The following SLIT3 variants were observed in gnomAD, a reference collection of about 807,000 sequenced individuals.
SLIT3 encodes slit homolog 3 protein.
A neutral mutation model predicts 184.0 loss-of-function variants in SLIT3; 68 were observed. The observed-to-expected ratio is 0.37, with a 90% CI of 0.30 to 0.45. The LOEUF (loss-of-function observed/expected upper bound fraction) is 0.45, where lower values mean the gene tolerates loss of function less well. Among genes scored for constraint, SLIT3 ranks in the 20% least tolerant of loss-of-function variants. The pLI is 1.00. For synonymous variants in SLIT3, 831 were observed against 828.6 expected (o/e 1.00, Z -0.05); for missense variants, 1,707 against 2,026.0 (o/e 0.84, Z 3.02).
At chr5:168,874,746 T>C (rs1201344386) in intron 5 of SLIT3, among the ~76,000 whole-genome samples, 4 of 152,230 alleles carry the variant, frequency 2.6e-5, no homozygotes, top group Non-Finnish European at 5.9e-5. Context: ...TATATGTCTT[T>C]ATCAGACTAA....
chr5:168,970,223 T>G (rs1210288209), intron 4 of SLIT3, among the ~76,000 whole-genome samples: 1 of 150,270 alleles, frequency 6.7e-6, no homozygotes, highest in Admixed American at 6.6e-5. Context: ...AGGCCAGGCG[T>G]GGTGGCTGAC....
chr5:169,082,539 C>T (rs1052970755), intron 4 of SLIT3, among the ~76,000 whole-genome samples: 2 of 152,146 alleles, frequency 1.3e-5, no homozygotes, highest in African/African-American at 4.8e-5. Flanking sequence ...TCTTCCCACC[C>T]CAATGCCTGG....
At chr5:169,179,499 G>A (rs1025429751) in intron 4 of SLIT3, among the ~76,000 whole-genome samples, 48 of 152,072 alleles carry the variant, frequency 3.2e-4, no homozygotes, top group Non-Finnish European at 5.9e-4. Context: ...CTTTGAAACT[G>A]CATCAAAAAC....
intron 16 of SLIT3, among the ~76,000 whole-genome samples, chr5:168,758,577 A>G (rs369931310): frequency 7.2e-5 from 11 of 152,340 alleles, no homozygotes; most frequent in African/African-American, 2.6e-4. Context: ...AGTGACAGCC[A>G]TGATCCTCAC....
At position 168,889,061 on chromosome 5, in the gene SLIT3, A is replaced by G. The variant is rs547733859; in HGVS notation, c.414-5725T>C. On this transcript the variant is annotated intron_variant, in intron 4 of 35. Coordinates refer to ENST00000519560, the MANE Select transcript of SLIT3 (RefSeq NM_003062.4). ...CCAACTTTCTAATATATAGTAACCCAGTGACACATCGCTCTGTGCTAGGAG... is the reference window on the plus strand; with the variant it reads ...CCAACTTTCTAATATATAGTAACCCGGTGACACATCGCTCTGTGCTAGGAG... Among the ~76,000 whole-genome samples, 163 of 152,310 alleles carry G rather than the reference A, an allele frequency of 1.1e-3. 3 individuals are homozygous for G. Among genetic ancestry groups the G allele is most frequent in the Middle Eastern group, 6.8e-3 (2 of 294 alleles).
At chr5:168,952,588 GAC>G (rs1385563489) in intron 4 of SLIT3, among the ~76,000 whole-genome samples, 34 of 101,298 alleles carry the variant, frequency 3.4e-4, no homozygotes, top group African/African-American at 1.7e-3. Context: ...AAAAAAAAAA[GAC>G]AGAGAGGGAG....
chr5:169,055,502 AG>A (rs1757964109), intron 4 of SLIT3, among the ~76,000 whole-genome samples: 1 of 152,196 alleles, frequency 6.6e-6, no homozygotes, highest in Non-Finnish European at 1.5e-5. Context: ...CAAAAAGGCC[AG>A]GAAGAGGTCA....
intron 33 of SLIT3, 84 bp from the exon 34 acceptor site, chr5:168,671,567 C>T (rs1314850849): frequency 1.4e-6 from 2 of 1,419,226 alleles, no homozygotes; most frequent in Non-Finnish European, 1.9e-6. Flanking sequence ...ACTTTTCACA[C>T]ATTCATGGCC....
intron 1 of SLIT3, among the ~76,000 whole-genome samples, chr5:169,256,743 TG>T (rs1765973879): frequency 6.6e-6 from 1 of 152,166 alleles, no homozygotes; most frequent in Admixed American, 6.5e-5. Flanking sequence ...GTGCCACCTC[TG>T]AGAACCTCAG....
At chr5:168,937,051 AG>A (rs1275860295) in intron 4 of SLIT3, among the ~76,000 whole-genome samples, 3 of 152,138 alleles carry the variant, frequency 2.0e-5, no homozygotes, top group Non-Finnish European at 4.4e-5. Context: ...GGCTTTCTGA[AG>A]GAAGTGACAC....
intron 4 of SLIT3, among the ~76,000 whole-genome samples, chr5:169,121,635 A>T (rs931096526): frequency 2.0e-5 from 3 of 151,758 alleles, no homozygotes; most frequent in African/African-American, 7.3e-5. Context: ...ATTAACATTT[A>T]AAAAATGCCA....
intron 20 of SLIT3, among the ~76,000 whole-genome samples, chr5:168,746,435 G>A (rs1419716566): frequency 4.9e-5 from 3 of 60,938 alleles, no homozygotes; most frequent in Non-Finnish European, 9.8e-5. Context: ...GTGGTGTGTG[G>A]TGGTGTGGGT....
intron 4 of SLIT3, among the ~76,000 whole-genome samples, chr5:168,911,591 C>T (rs1236877834): frequency 6.6e-6 from 1 of 152,132 alleles, no homozygotes; most frequent in Non-Finnish European, 1.5e-5. Flanking sequence ...GCATGAAATG[C>T]CATCATTTAG....
intron 5 of SLIT3, among the ~76,000 whole-genome samples, chr5:168,878,341 C>T (rs936432582): frequency 1.3e-5 from 2 of 152,178 alleles, no homozygotes; most frequent in African/African-American, 2.4e-5. Flanking sequence ...GAGGGGCAGG[C>T]GTCCAGTCCC....
chr5:169,189,682 G>A (rs746626309), intron 4 of SLIT3, among the ~76,000 whole-genome samples: 34 of 151,236 alleles, frequency 2.2e-4, no homozygotes, highest in Admixed American at 1.1e-3. Context: ...GCAGACTCTG[G>A]AGTCAGGTTT....
At chr5:169,021,734 A>G (rs1448462911) in intron 4 of SLIT3, among the ~76,000 whole-genome samples, 1 of 152,222 alleles carries the variant, frequency 6.6e-6, no homozygotes, top group Non-Finnish European at 1.5e-5. Flanking sequence ...CAGACCAGAT[A>G]TAATTCACCT....
intron 5 of SLIT3, among the ~76,000 whole-genome samples, chr5:168,875,939 T>C (rs1047935630): frequency 6.6e-6 from 1 of 152,120 alleles, no homozygotes; most frequent in Non-Finnish European, 1.5e-5. Context: ...CAGTCAGGAA[T>C]GCAAAGCAGG....
At position 168,847,406 on chromosome 5, in the gene SLIT3, C is replaced by T. The variant is rs1371819473; in HGVS notation, c.486-2751G>A. Among the ~76,000 whole-genome samples, 4 of 152,334 alleles carry T rather than the reference C, an allele frequency of 2.6e-5. No individual in the cohort carries two copies. In the East Asian group the frequency reaches 7.7e-4, roughly 29 times the overall value. Reference sequence around the variant, plus strand: ...CATTCTCAAGACAAGATGCCACATTCATTACCAGGGTCTTCAAGGGTTTAA... The same window carrying T: ...CATTCTCAAGACAAGATGCCACATTTATTACCAGGGTCTTCAAGGGTTTAA... On this transcript the variant is annotated intron_variant, in intron 5 of 35. Transcript: ENST00000519560.
chr5:168,666,799 A>G (rs1307414101), intron 35 of SLIT3, 110 bp from the exon 36 acceptor site: 1 of 1,534,984 alleles, frequency 6.5e-7, no homozygotes, highest in Non-Finnish European at 8.8e-7. Context: ...GACTGTAAGA[A>G]TTTATTCACT....
Sources: allele counts gnomAD v4.1 joint callset (sites outside exome capture counted in the v4.1 genomes callset), GRCh38; gene constraint gnomAD v4.1.1; transcripts MANE v1.5; gene names NCBI Gene and HGNC (gene_info 2026-07-23, HGNC 2026-07-21).